Variants in NUP58 observed in about 807,000 individuals in gnomAD.
NUP58 encodes the protein nucleoporin 58.
A neutral mutation model predicts 70.1 loss-of-function variants in NUP58; 17 were observed. That is an observed-to-expected ratio of 0.24 (90% CI 0.17 to 0.36). The LOEUF is 0.36. NUP58 is among the 10% of genes least tolerant of loss of function. NUP58 has a pLI of 1.00. For missense variants in NUP58, 644 were observed against 701.5 expected, an observed-to-expected ratio of 0.92 and a Z score of 0.93; for synonymous variants, 275 against 257.6, an observed-to-expected ratio of 1.07 and a Z score of -0.65.
chr13:25,343,929 G>C (rs1472473574), downstream of NUP58, among the ~76,000 whole-genome samples: 1 of 151,160 alleles, frequency 6.6e-6, no homozygotes, highest in Non-Finnish European at 1.5e-5. Context: ...AGTTTCTTCG[G>C]GGTTGATTCT....
At chr13:25,312,190 G>A (rs2030702506) in intron 3 of NUP58, among the ~76,000 whole-genome samples, 1 of 152,074 alleles carries the variant, frequency 6.6e-6, no homozygotes, top group African/African-American at 2.4e-5. Context: ...GAGACAGCTG[G>A]GGGCTGACAG....
chr13:25,335,028 T>C, intron 13 of NUP58: 2 of 985,274 alleles, frequency 2.0e-6, no homozygotes, highest in East Asian at 1.1e-4. Flanking sequence ...CTAATATATA[T>C]GGTGGCCAGA....
At chr13:25,336,871 A>C in intron 13 of NUP58, 65 bp from the exon 14 acceptor site, 2 of 955,502 alleles carry the variant, frequency 2.1e-6, no homozygotes, top group Non-Finnish European at 3.1e-6. Flanking sequence ...AAGAATCTTT[A>C]ATCTTGAAAG....
At position 25,341,183 on chromosome 13, in the gene NUP58, A is replaced by T. The variant is rs1019368619; in HGVS notation, c.*1049A>T. The T allele has an allele frequency of 6.6e-6, 1 of 152,414 alleles. No homozygotes were observed. The highest frequency in any genetic ancestry group is 2.1e-4 in the South Asian group (1 of 4,826). The allele number at this position is 152,414 out of a possible 1,614,324, so 9.4% of individuals were successfully genotyped here. On this transcript the variant is annotated 3_prime_UTR_variant, in exon 16 of 16. Transcript: ENST00000381736. The stretch of plus-strand genomic sequence containing the variant: ...TTTTGTTTCCACCTTAACCTATAGC[A>T]GCTCCTCCAAATGAGGAATGCTGTA...
intron 3 of NUP58, among the ~76,000 whole-genome samples, chr13:25,348,352 A>G (rs1016768882): frequency 6.6e-6 from 1 of 152,204 alleles, no homozygotes; most frequent in African/African-American, 2.4e-5. Context: ...AATGCCAAAT[A>G]TTTTGTTAAT....
intron 2 of NUP58, among the ~76,000 whole-genome samples, chr13:25,308,708 T>G (rs991779739): frequency 6.6e-6 from 1 of 152,202 alleles, no homozygotes; most frequent in Non-Finnish European, 1.5e-5. Context: ...TTCAAAACAA[T>G]AGAAAGTTTT....
At chr13:25,310,054 C>A in intron 3 of NUP58, 1 of 393,418 alleles carries the variant, frequency 2.5e-6, no homozygotes, top group Non-Finnish European at 5.1e-6. Context: ...GCTTTTTTTT[C>A]CCCTATCAGA....
At chr13:25,329,140 T>C (rs1048052664) in intron 12 of NUP58, among the ~76,000 whole-genome samples, 3 of 152,196 alleles carry the variant, frequency 2.0e-5, no homozygotes, top group Admixed American at 6.5e-5. Flanking sequence ...TTAATAAAAT[T>C]AATGTATGGC....
chr13:25,309,132 A>G, intron 2 of NUP58, 115 bp from the exon 3 acceptor site: 1 of 750,298 alleles, frequency 1.3e-6, no homozygotes. Flanking sequence ...TATTGTTCTA[A>G]TTAGAAGTGT....
chr13:25,310,206 ATTTTTTTTTTTTTTT>A (rs796547133), intron 3 of NUP58, among the ~76,000 whole-genome samples: 13 of 47,498 alleles, frequency 2.7e-4, no homozygotes, highest in East Asian at 2.5e-3. Flanking sequence ...CCCTTGGCTA[ATTTTTTTTTTTTTTT>A]TTTTTTTTTT....
intron 10 of NUP58, among the ~76,000 whole-genome samples, chr13:25,325,521 T>C (rs974561496): frequency 3.3e-5 from 5 of 152,240 alleles, no homozygotes; most frequent in Non-Finnish European, 5.9e-5. Flanking sequence ...CTTGCCTGTT[T>C]ATGTCCTTCC....
chr13:25,320,015 A>T (rs1332778220), intron 7 of NUP58, among the ~76,000 whole-genome samples: 1 of 152,106 alleles, frequency 6.6e-6, no homozygotes, highest in Non-Finnish European at 1.5e-5. Flanking sequence ...TTAAATATTT[A>T]TTATTCCTGT....
intron 6 of NUP58, 121 bp downstream of exon 6, chr13:25,315,588 CTT>C (rs1221898555): frequency 1.3e-5 from 9 of 681,180 alleles, no homozygotes; most frequent in South Asian, 3.6e-5. Context: ...AGTTAGCTAT[CTT>C]AATGTGTATA....
intron 6 of NUP58, among the ~76,000 whole-genome samples, chr13:25,318,323 G>A (rs1308157684): frequency 3.3e-5 from 5 of 152,020 alleles, no homozygotes; most frequent in South Asian, 2.1e-4. Flanking sequence ...GTGAGACTCC[G>A]TCTCAGAAAT....
intron 3 of NUP58, among the ~76,000 whole-genome samples, 169 bp from the exon 4 acceptor site, chr13:25,312,714 G>T (rs2137741065): frequency 6.6e-6 from 1 of 152,228 alleles, no homozygotes; most frequent in South Asian, 2.1e-4. Flanking sequence ...GTTCACCATG[G>T]TTTAGTCTCA....
At chr13:25,320,735 CAG>C in intron 8 of NUP58, 140 bp downstream of exon 8, 5 of 770,562 alleles carry the variant, frequency 6.5e-6, no homozygotes, top group Middle Eastern at 7.6e-4. Context: ...TTTTAGAAAT[CAG>C]AAAAAAAGCA....
chr13:25,316,136 A>G (rs1228925455), intron 6 of NUP58, among the ~76,000 whole-genome samples: 1 of 152,178 alleles, frequency 6.6e-6, no homozygotes, highest in African/African-American at 2.4e-5. Context: ...CTCTTAGTGT[A>G]TAGTTTGTGA....
At chr13:25,302,935 C>T (rs1342833806) in intron 1 of NUP58, 4 of 456,452 alleles carry the variant, frequency 8.8e-6, no homozygotes, top group South Asian at 6.2e-5. Flanking sequence ...AGTTCCACAA[C>T]CCTGCTTAGG....
intron 15 of NUP58, 25 bp from the exon 16 acceptor site, chr13:25,339,940 G>T: frequency 1.3e-6 from 2 of 1,538,742 alleles, no homozygotes; most frequent in South Asian, 1.2e-5. Flanking sequence ...CTTCTGATAT[G>T]AATATTTTTT....
Sources: gnomAD v4.1 joint callset for allele counts (sites outside exome capture counted in the v4.1 genomes callset) on GRCh38, gnomAD v4.1.1 for gene constraint, MANE v1.5 for transcripts, NCBI Gene and HGNC (gene_info 2026-07-23, HGNC 2026-07-21) for gene names.